ATG7: variants seen among roughly 807,000 people sequenced by gnomAD.
ATG7 encodes the protein ubiquitin-like modifier-activating enzyme ATG7.
ATG7 carries 70 observed loss-of-function variants against 82.4 expected under a neutral mutation model. The ratio of observed to expected loss-of-function variants is 0.85; its 90% CI spans 0.70 to 1.04. The LOEUF is 1.04. Ranked by LOEUF, ATG7 falls within the 50% of genes least tolerant of loss-of-function variation. ATG7 has a pLI of 0.00. For synonymous variants in ATG7, 287 were observed against 313.0 expected, an observed-to-expected ratio of 0.92 and a Z score of 0.88; for missense variants, 792 against 864.3, an observed-to-expected ratio of 0.92 and a Z score of 1.05.
intron 20 of ATG7, among the ~76,000 whole-genome samples, chr3:11,517,051 C>T (rs1219802705): frequency 6.6e-6 from 1 of 152,130 alleles, no homozygotes; most frequent in Non-Finnish European, 1.5e-5. Context: ...CCACCACACT[C>T]TAGCCTGGGC....
At chr3:11,573,327 GAAA>G in the ATG7 span, among the ~76,000 whole-genome samples, 9 of 39,478 alleles carry the variant, frequency 2.3e-4, no homozygotes, top group African/African-American at 3.9e-4. Context: ...AAGAAAGAAA[GAAA>G]GAAAGAAAGA....
chr3:11,510,384 A>T, intron 20 of ATG7: 1 of 306,438 alleles, frequency 3.3e-6, no homozygotes, highest in Non-Finnish European at 6.6e-6. Flanking sequence ...CCCCAGTTTA[A>T]AAAAAAAAAA....
chr3:11,542,026 C>A (rs529679481), intron 20 of ATG7, among the ~76,000 whole-genome samples: 2 of 152,364 alleles, frequency 1.3e-5, no homozygotes, highest in Admixed American at 6.5e-5. Flanking sequence ...GGCAAACAAG[C>A]CTGGGGCCCG....
intron 19 of ATG7, among the ~76,000 whole-genome samples, chr3:11,412,027 G>A (rs1163560422): frequency 6.6e-6 from 1 of 150,960 alleles, no homozygotes; most frequent in Non-Finnish European, 1.5e-5. Context: ...TCCTGCTGCT[G>A]CTTGGTGCAC....
At chr3:11,289,070 A>C (rs1176618149) in intron 3 of ATG7, among the ~76,000 whole-genome samples, 1 of 152,218 alleles carries the variant, frequency 6.6e-6, no homozygotes, top group African/African-American at 2.4e-5. Context: ...ATAAAATTGA[A>C]ACACACTTAC....
intron 18 of ATG7, among the ~76,000 whole-genome samples, chr3:11,369,632 G>A (rs73127245): frequency 0.014 from 2,057 of 151,288 alleles, 125 homozygotes; most frequent in African/African-American, 0.047. Context: ...AAGGATCCGG[G>A]TATAGGTCTA....
chr3:11,471,760 TTG>T (rs1491022662), intron 20 of ATG7, among the ~76,000 whole-genome samples: 1 of 137,576 alleles, frequency 7.3e-6, no homozygotes, highest in African/African-American at 2.8e-5. Flanking sequence ...TTTTTTTTTT[TTG>T]AAATGTAGTC....
At chr3:11,399,757 A>G (rs1032143344) in intron 19 of ATG7, among the ~76,000 whole-genome samples, 4 of 152,292 alleles carry the variant, frequency 2.6e-5, no homozygotes, top group African/African-American at 9.6e-5. Context: ...TATTTTTAGT[A>G]GAGACAGAGC....
intron 19 of ATG7, among the ~76,000 whole-genome samples, chr3:11,402,611 C>T (rs148496940): frequency 3.8e-4 from 57 of 151,914 alleles, no homozygotes; most frequent in African/African-American, 1.2e-3. Context: ...GCACCAGCCC[C>T]GTGAAAGTCA....
intron 20 of ATG7, among the ~76,000 whole-genome samples, chr3:11,478,930 A>G (rs1214034198): frequency 6.6e-6 from 1 of 151,974 alleles, no homozygotes; most frequent in Non-Finnish European, 1.5e-5. Context: ...AAGTGGCTGT[A>G]GAGTACTACC....
At chr3:11,273,060 C>G (rs113339927) in intron 1 of ATG7, among the ~76,000 whole-genome samples, 4,711 of 152,332 alleles carry the variant, frequency 0.031, 79 homozygotes, top group Middle Eastern at 0.037. Context: ...TGGAGAAGTA[C>G]AAGCCAAACC....
rs58838386 is a variant in ATG7, at chr3:11,497,357, C to CTATATATATATATA, written c.2080-57432_2080-57419dup. Among the ~76,000 whole-genome samples, 418 of 57,282 alleles carry CTATATATATATATA rather than the reference C, an allele frequency of 7.3e-3. 13 individuals are homozygous for CTATATATATATATA. The highest frequency in any genetic ancestry group is 8.7e-3 in the African/African-American group (130 of 14,970). The allele number at this position is 57,282 out of a possible 152,430, so 37.6% of individuals were successfully genotyped here. A position where few individuals can be genotyped will look rare whatever the true frequency, so the allele number is the denominator to read the frequency against. On this transcript the variant is annotated intron_variant, in intron 20 of 20. Transcript: ENST00000693202. The stretch of plus-strand genomic sequence containing the variant: ...TGAAACCCCGTCTGTACTAAAAATA[C>CTATATATATATATA]TATATATATATATATATATATATAT...
rs188809631 is a variant in ATG7 at position 11,371,239 on chromosome 3, G to C, written c.1875+6505G>C. Among the ~76,000 whole-genome samples, 34 of 151,342 alleles carry C rather than the reference G, an allele frequency of 2.2e-4. No individual in the cohort carries two copies. In the East Asian group the frequency reaches 6.0e-3, roughly 27 times the overall value. ...GAGGGAACATTTGTTTATTTGAAAGGGAAAAGGAAGAGAAGTAAGTGCTTT... is the reference window on the plus strand; with the variant it reads ...GAGGGAACATTTGTTTATTTGAAAGCGAAAAGGAAGAGAAGTAAGTGCTTT... On this transcript the variant is annotated intron_variant, in intron 18 of 20. Coordinates refer to ENST00000693202, the MANE Select transcript of ATG7 (RefSeq NM_001349232.2).
intron 9 of ATG7, among the ~76,000 whole-genome samples, chr3:11,315,780 G>A (rs111980158): frequency 0.018 from 2,738 of 152,214 alleles, 77 homozygotes; most frequent in African/African-American, 0.062. Context: ...GGGCTGGAGC[G>A]CAGTGGCGCA....
intron 10 of ATG7, among the ~76,000 whole-genome samples, 195 bp downstream of exon 10, chr3:11,331,623 C>T (rs1055670199): frequency 6.6e-6 from 1 of 152,128 alleles, no homozygotes; most frequent in African/African-American, 2.4e-5. Flanking sequence ...CTGTTAGGGA[C>T]CTGCATACTC....
At chr3:11,298,588 T>TTTTG in intron 3 of ATG7, 98 bp from the exon 4 acceptor site, 5 of 1,248,886 alleles carry the variant, frequency 4.0e-6, no homozygotes, top group Non-Finnish European at 5.6e-6. Flanking sequence ...TCTCATTACT[T>TTTTG]TTTGTTTGTT....
At chr3:11,414,138 C>CTGTA (rs2081162564) in intron 19 of ATG7, among the ~76,000 whole-genome samples, 1 of 152,168 alleles carries the variant, frequency 6.6e-6, no homozygotes, top group Non-Finnish European at 1.5e-5. Flanking sequence ...TCTTGGCTCA[C>CTGTA]TGTAACCTCC....
chr3:11,366,971 CTGTGTGTGTGTGTGTGTGTGTG>C (rs60183965), intron 18 of ATG7, among the ~76,000 whole-genome samples: 7 of 139,694 alleles, frequency 5.0e-5, no homozygotes, highest in Admixed American at 1.4e-4. Context: ...ATGGGAAAAG[CTGTGTGTGTGTGTGTGTGTGTG>C]TGTGTGTGTG....
At chr3:11,517,136 C>T (rs1005972529) in intron 20 of ATG7, among the ~76,000 whole-genome samples, 1 of 151,904 alleles carries the variant, frequency 6.6e-6, no homozygotes, top group Non-Finnish European at 1.5e-5. Flanking sequence ...AGGCAGCATA[C>T]TGAGTAATTC....
Sources: allele counts gnomAD v4.1 joint callset (sites outside exome capture counted in the v4.1 genomes callset), GRCh38; gene constraint gnomAD v4.1.1; transcripts MANE v1.5; gene names NCBI Gene and HGNC (gene_info 2026-07-23, HGNC 2026-07-21).